MAGI2: variants seen among roughly 807,000 people sequenced by gnomAD.
MAGI2 encodes membrane associated guanylate kinase, WW and PDZ domain containing 2, also known as membrane-associated guanylate kinase, WW and PDZ domain-containing protein 2.
A neutral mutation model predicts 133.3 loss-of-function variants in MAGI2; 35 were observed. The observed-to-expected ratio is 0.26, with a 90% CI of 0.20 to 0.35. MAGI2 has a LOEUF of 0.35. Among genes scored for constraint, MAGI2 ranks in the 10% least tolerant of loss-of-function variants. The pLI is 1.00. For missense variants in MAGI2, 1,636 were observed against 1,863.4 expected (o/e 0.88, Z 2.25); for synonymous variants, 729 against 710.6 (o/e 1.03, Z -0.41).
chr7:79,049,306 A>C (rs1562831478), intron 1 of MAGI2, among the ~76,000 whole-genome samples: 2 of 152,218 alleles, frequency 1.3e-5, no homozygotes, highest in Admixed American at 6.5e-5. Context: ...CAAAGAGCTC[A>C]CAGTTCAGCA....
At chr7:78,220,350 G>A (rs570908763) in intron 10 of MAGI2, among the ~76,000 whole-genome samples, 1 of 152,110 alleles carries the variant, frequency 6.6e-6, no homozygotes, top group Non-Finnish European at 1.5e-5. Flanking sequence ...CCCCACCCAT[G>A]GTACCCTGGC....
chr7:78,503,560 C>CCCCCCCCCTCCTCCTCCCCCTCCT (rs1794811411), intron 4 of MAGI2, among the ~76,000 whole-genome samples: 2 of 39,490 alleles, frequency 5.1e-5, no homozygotes, highest in Non-Finnish European at 9.4e-5. Context: ...CTCCATCTCC[C>CCCCCCCCCTCCTCCTCCCCCTCCT]CCTCCCCCTC....
rs1332988856 is a variant in MAGI2 at position 78,108,665 on chromosome 7, T to TATACACACATATATGTGA, written c.3567+17028_3567+17029insTCACATATATGTGTGTAT. On this transcript the variant is annotated intron_variant, in intron 20 of 21. Coordinates refer to ENST00000354212, the MANE Select transcript of MAGI2 (RefSeq NM_012301.4). ...GTATGTGTGTGTGTGTGTGTGTGTG[T>TATACACACATATATGTGA]GTGTATACACACATATATGTGAGTG... Among the ~76,000 whole-genome samples the TATACACACATATATGTGA allele has an allele frequency of 2.4e-3, 318 of 133,718 alleles. 1 individual carries two copies. Among genetic ancestry groups the TATACACACATATATGTGA allele is most frequent in the African/African-American group, 7.6e-3 (296 of 38,930 alleles). The allele number at this position is 133,718 out of a possible 152,430, so 87.7% of individuals were successfully genotyped here.
At chr7:79,423,087 G>A (rs2214809) in intron 1 of MAGI2, among the ~76,000 whole-genome samples, 59,994 of 151,810 alleles carry the variant, frequency 0.4, 13,998 homozygotes, top group African/African-American at 0.65. Context: ...TTTGTATGTC[G>A]TGTAATAACC....
intron 1 of MAGI2, among the ~76,000 whole-genome samples, chr7:79,374,224 G>T (rs184856053): frequency 6.6e-6 from 1 of 151,746 alleles, no homozygotes; most frequent in East Asian, 1.9e-4. Context: ...TTGGAAATAG[G>T]GTCTTTACAA....
chr7:78,868,825 C>T (rs949231464), intron 2 of MAGI2, among the ~76,000 whole-genome samples: 10 of 152,102 alleles, frequency 6.6e-5, no homozygotes, highest in South Asian at 2.1e-4. Flanking sequence ...GAGATCTCGG[C>T]TTACTGCAAG....
At chr7:78,452,680 A>G (rs1369592777) in intron 6 of MAGI2, among the ~76,000 whole-genome samples, 1 of 151,810 alleles carries the variant, frequency 6.6e-6, no homozygotes, top group African/African-American at 2.4e-5. Context: ...TTTAAGAAAT[A>G]TAGAGAAAAA....
At chr7:78,264,033 C>T (rs1398937250) in intron 9 of MAGI2, among the ~76,000 whole-genome samples, 1 of 152,144 alleles carries the variant, frequency 6.6e-6, no homozygotes, top group African/African-American at 2.4e-5. Flanking sequence ...TGACCGCCTC[C>T]TTTAGCTGAA....
At chr7:78,123,793 C>T (rs1310369126) in intron 20 of MAGI2, among the ~76,000 whole-genome samples, 1 of 152,134 alleles carries the variant, frequency 6.6e-6, no homozygotes, top group Non-Finnish European at 1.5e-5. Flanking sequence ...AGAGTTTCAC[C>T]TGAAGAGCTT....
chr7:78,384,623 C>A (rs1453126280), intron 6 of MAGI2, among the ~76,000 whole-genome samples: 1 of 152,110 alleles, frequency 6.6e-6, no homozygotes, highest in Non-Finnish European at 1.5e-5. Flanking sequence ...TCTAGTGAAG[C>A]AGCCTTTTCA....
chr7:78,085,900 G>A (rs1192323351), intron 20 of MAGI2, among the ~76,000 whole-genome samples: 4 of 147,756 alleles, frequency 2.7e-5, no homozygotes, highest in Non-Finnish European at 5.9e-5. Context: ...CTTGAGCACA[G>A]TATCCTATGG....
chr7:78,699,096 C>T lies in MAGI2; in HGVS notation c.419-71857G>A, dbSNP rs927134512. Among the ~76,000 whole-genome samples, 6 of 152,182 alleles carry T rather than the reference C, an allele frequency of 3.9e-5. No individual in the cohort carries two copies. In the East Asian group the frequency reaches 5.8e-4, roughly 15 times the overall value. ...GACACCTTTGCTTTCTGATGGCTCA[C>T]TGTACACAAACTTTGCTGCTGTTGT... On this transcript the variant is annotated intron_variant, in intron 2 of 21. Transcript: ENST00000354212.
At chr7:78,567,783 A>AC (rs1166713037) in intron 3 of MAGI2, among the ~76,000 whole-genome samples, 2 of 151,900 alleles carry the variant, frequency 1.3e-5, no homozygotes, top group African/African-American at 4.8e-5. Flanking sequence ...ACCTATTTTC[A>AC]CCCCCCATCT....
chr7:78,490,148 T>C (rs151296105), intron 5 of MAGI2: 5 of 378,050 alleles, frequency 1.3e-5, no homozygotes, highest in African/African-American at 1.0e-4. Flanking sequence ...AATACAGGAT[T>C]CTCCAGTTGG....
chr7:78,950,814 G>A (rs996374746), intron 2 of MAGI2, among the ~76,000 whole-genome samples: 2 of 152,144 alleles, frequency 1.3e-5, no homozygotes. Flanking sequence ...TGGGGGTACA[G>A]GGAAAACTTT....
At chr7:78,479,063 G>A (rs375354364) in intron 6 of MAGI2, among the ~76,000 whole-genome samples, 278 of 151,982 alleles carry the variant, frequency 1.8e-3, no homozygotes, top group African/African-American at 6.6e-3. Flanking sequence ...CACCTGCACT[G>A]GTGATGTCAG....
intron 1 of MAGI2, among the ~76,000 whole-genome samples, chr7:79,161,301 G>C (rs753842523): frequency 2.0e-5 from 3 of 152,004 alleles, no homozygotes; most frequent in Non-Finnish European, 4.4e-5. Context: ...AGCCCACAAA[G>C]TATAGGGTAA....
intron 1 of MAGI2, among the ~76,000 whole-genome samples, chr7:79,077,968 T>G (rs988364486): frequency 6.6e-6 from 1 of 152,194 alleles, no homozygotes; most frequent in Non-Finnish European, 1.5e-5. Flanking sequence ...TGGGACAAAA[T>G]GTAGTATCAA....
intron 6 of MAGI2, among the ~76,000 whole-genome samples, chr7:78,394,114 G>A (rs1234532852): frequency 6.6e-6 from 1 of 152,094 alleles, no homozygotes; most frequent in Non-Finnish European, 1.5e-5. Context: ...TCTGAGGGCA[G>A]GAGAAGATGG....
Sources: gnomAD v4.1 joint callset for allele counts (sites outside exome capture counted in the v4.1 genomes callset) on GRCh38, gnomAD v4.1.1 for gene constraint, MANE v1.5 for transcripts, NCBI Gene and HGNC (gene_info 2026-07-23, HGNC 2026-07-21) for gene names.